L2HGDH: variants seen among roughly 807,000 people sequenced by gnomAD.
L2HGDH encodes L-2-hydroxyglutarate dehydrogenase, also known as L-2-hydroxyglutarate dehydrogenase, mitochondrial.
A neutral mutation model predicts 51.5 loss-of-function variants in L2HGDH; 34 were observed. The ratio of observed to expected loss-of-function variants is 0.66; its 90% CI spans 0.50 to 0.88. The LOEUF is 0.88. Ranked by LOEUF, L2HGDH falls within the 40% of genes least tolerant of loss-of-function variation. L2HGDH has a pLI of 0.00. For missense variants in L2HGDH, 558 were observed against 571.9 expected, an observed-to-expected ratio of 0.98 and a Z score of 0.25; for synonymous variants, 198 against 197.9, an observed-to-expected ratio of 1.00 and a Z score of -0.01.
chr14:50,298,718 C>T lies in L2HGDH; in HGVS notation c.408+3299G>A, dbSNP rs763292315. Among the ~76,000 whole-genome samples, 6 of 152,058 alleles carry T rather than the reference C, an allele frequency of 3.9e-5. No homozygotes were observed. The East Asian group carries it at 1.2e-3, about 29-fold the overall frequency. ...AAATAAACAAACAAGCAAACAAAACCAATACGCTCCTAAATGACCAGTGGG... is the reference window on the plus strand; with the variant it reads ...AAATAAACAAACAAGCAAACAAAACTAATACGCTCCTAAATGACCAGTGGG... On this transcript the variant is annotated intron_variant, in intron 3 of 9. Coordinates refer to ENST00000267436, the MANE Select transcript of L2HGDH (RefSeq NM_024884.3).
At chr14:50,277,787 A>G (rs1003893715) in intron 6 of L2HGDH, among the ~76,000 whole-genome samples, 1 of 87,920 alleles carries the variant, frequency 1.1e-5, no homozygotes, top group African/African-American at 3.9e-5. Context: ...TAATAATAAT[A>G]ATAATAATAA....
intron 6 of L2HGDH, among the ~76,000 whole-genome samples, chr14:50,271,627 G>A (rs932995914): frequency 6.6e-6 from 1 of 152,052 alleles, no homozygotes; most frequent in Non-Finnish European, 1.5e-5. Flanking sequence ...GATCACTTGA[G>A]CCCAGGAGTT....
chr14:50,248,002 G>A (rs187458673), intron 9 of L2HGDH, among the ~76,000 whole-genome samples: 2 of 151,712 alleles, frequency 1.3e-5, no homozygotes, highest in East Asian at 1.9e-4. Context: ...GTTTCCCTAC[G>A]TTGCCCAGGC....
intron 4 of L2HGDH, among the ~76,000 whole-genome samples, chr14:50,289,736 C>T (rs1179962946): frequency 1.3e-5 from 2 of 152,124 alleles, no homozygotes; most frequent in East Asian, 1.9e-4. Flanking sequence ...ATGCCTTATA[C>T]ATAGTATTTC....
At chr14:50,280,221 C>T (rs750098506) in intron 5 of L2HGDH, among the ~76,000 whole-genome samples, 6 of 148,808 alleles carry the variant, frequency 4.0e-5, no homozygotes, top group East Asian at 2.0e-4. Flanking sequence ...GAGTGCAGTG[C>T]GCTGGTGCAA....
intron 4 of L2HGDH, among the ~76,000 whole-genome samples, chr14:50,285,106 AC>A (rs1890497524): frequency 6.6e-6 from 1 of 152,160 alleles, no homozygotes; most frequent in Non-Finnish European, 1.5e-5. Context: ...AATTAGCCGA[AC>A]GTGGTGGCGG....
chr14:50,311,071 T>C (rs1372002337), intron 1 of L2HGDH, among the ~76,000 whole-genome samples: 6 of 151,188 alleles, frequency 4.0e-5, no homozygotes, highest in Middle Eastern at 3.2e-3. Context: ...TCCGGAGTAG[T>C]TGGGATTACA....
At chr14:50,299,871 C>G (rs566635195) in intron 3 of L2HGDH, 2 of 154,040 alleles carry the variant, frequency 1.3e-5, no homozygotes, top group African/African-American at 4.8e-5. Context: ...TAATATCCTC[C>G]ATGTTCATCT....
At chr14:50,285,243 T>G (rs535769960) in intron 4 of L2HGDH, among the ~76,000 whole-genome samples, 61 of 152,278 alleles carry the variant, frequency 4.0e-4, no homozygotes, top group African/African-American at 1.4e-3. Flanking sequence ...TGAGACTTCG[T>G]CTTTAAAAAA....
intron 9 of L2HGDH, among the ~76,000 whole-genome samples, chr14:50,260,292 G>C (rs8013289): frequency 0.58 from 87,793 of 151,802 alleles, 25,523 homozygotes; most frequent in East Asian, 0.65. Context: ...ATTAGAGTCT[G>C]AGTTCCAACT....
rs35766836 is a variant in L2HGDH at position 50,277,207 on chromosome 14, G to GTTTT, written c.738+1309_738+1312dup. Among the ~76,000 whole-genome samples the GTTTT allele has an allele frequency of 2.0e-4, 29 of 144,032 alleles. 1 individual carries two copies. The East Asian group carries it at 5.6e-3, about 28-fold the overall frequency. 94.5% of individuals were successfully genotyped at this position (144,032 alleles called of 152,430 possible). A position where few individuals can be genotyped will look rare whatever the true frequency, so the allele number is the denominator to read the frequency against. Reference sequence around the variant, plus strand: ...GGATAAAGTAGACTGTTTTTTTTTTGTTTTTTTTTTTGAGAGTTAGTTAGC... The same window carrying GTTTT: ...GGATAAAGTAGACTGTTTTTTTTTTGTTTTTTTTTTTTTTTGAGAGTTAGTTAGC... On this transcript the variant is annotated intron_variant, in intron 6 of 9. Transcript: ENST00000267436.
chr14:50,306,119 C>T lies in L2HGDH; in HGVS notation c.141-3102G>A, dbSNP rs377446387. Among the ~76,000 whole-genome samples, 7 of 150,986 alleles carry T rather than the reference C, an allele frequency of 4.6e-5. No homozygotes were observed. In the South Asian group the frequency reaches 1.3e-3, roughly 27 times the overall value. On this transcript the variant is annotated intron_variant, in intron 1 of 9. Transcript: ENST00000267436. ...AGGCTGGAGTGCAGTGGCATAATCT[C>T]GGCTCACTGCAACCTCCAGCTCCCG... is the stretch of plus-strand genomic sequence containing the variant.
chr14:50,267,817 TA>T lies in L2HGDH; in HGVS notation c.999del (p.Phe333LeufsTer19), dbSNP rs1317789838. The T allele has an allele frequency of 2.5e-6, 4 of 1,613,878 alleles. No individual in the cohort carries two copies. The highest frequency in any genetic ancestry group is 3.4e-6 in the Non-Finnish European group (4 of 1,179,722). On this transcript the variant is annotated frameshift_variant, in exon 8 of 10. Coordinates refer to ENST00000267436, the MANE Select transcript of L2HGDH (RefSeq NM_024884.3). LOFTEE classifies it high-confidence loss of function. Reference protein sequence around the residue: ...IWLGPNAVLAFKREGYRPFDF... With the variant: ...IWLGPNAVLAXKREGYRPFDF... The stretch of plus-strand genomic sequence containing the variant: ...TCAAAGGGTCTGTAACCCTCTCGTT[TA>T]AAGGCAAGAACTGCATTAGGCCCTA...
intron 3 of L2HGDH, among the ~76,000 whole-genome samples, chr14:50,296,372 C>CAAAAAAA (rs59868876): frequency 3.2e-5 from 1 of 31,446 alleles, no homozygotes; most frequent in African/African-American, 1.3e-4. Flanking sequence ...GACCCTGTCT[C>CAAAAAAA]AAAAAAAAAA....
chr14:50,265,929 C>G (rs1465706508), intron 8 of L2HGDH, among the ~76,000 whole-genome samples: 1 of 151,952 alleles, frequency 6.6e-6, no homozygotes, highest in Non-Finnish European at 1.5e-5. Context: ...ACCAATCAAT[C>G]AATGAATCAA....
intron 9 of L2HGDH, among the ~76,000 whole-genome samples, chr14:50,257,154 C>G (rs1888713454): frequency 6.6e-6 from 1 of 152,104 alleles, no homozygotes; most frequent in Admixed American, 6.6e-5. Context: ...ATCTTAAACT[C>G]CTAACCTCAG....
In L2HGDH at chr14:50,243,401, G is replaced by C. The variant is rs1887872947; in HGVS notation, c.*3657C>G. 1 of 979,922 alleles carries C rather than the reference G, an allele frequency of 1.0e-6. No homozygotes were observed. Among genetic ancestry groups the C allele is most frequent in the Non-Finnish European group, 1.2e-6 (1 of 825,302 alleles). The allele number at this position is 979,922 out of a possible 1,614,324, so 60.7% of individuals were successfully genotyped here. ...GGCTGCTATCTATCTAAAGCAAACAGTTTATGTTTTACACATAAAAAAATT... is the reference window on the plus strand; with the variant it reads ...GGCTGCTATCTATCTAAAGCAAACACTTTATGTTTTACACATAAAAAAATT... On this transcript the variant is annotated 3_prime_UTR_variant, in exon 10 of 10. Transcript: ENST00000267436.
chr14:50,305,107 T>C (rs2030651140), intron 1 of L2HGDH, among the ~76,000 whole-genome samples: 1 of 152,188 alleles, frequency 6.6e-6, no homozygotes, highest in Admixed American at 6.5e-5. Flanking sequence ...AACTAGGAAC[T>C]AACACGTAAG....
Position 50,293,282 on chromosome 14 carries a change from A to G in L2HGDH, c.540+833T>C, listed in dbSNP as rs915669707. The G allele has an allele frequency of 1.3e-5, 9 of 702,222 alleles. No homozygotes were observed. In the Admixed American group the frequency reaches 1.8e-4, roughly 14 times the overall value. 43.5% of individuals were successfully genotyped at this position (702,222 alleles called of 1,614,324 possible). A position where few individuals can be genotyped will look rare whatever the true frequency, so the allele number is the denominator to read the frequency against. ...ATAAGTGATGCTGACACAACTGGAT[A>G]TCTGTTTGGGGAAAAAATACACCTT... On this transcript the variant is annotated intron_variant, in intron 4 of 9. Coordinates refer to ENST00000267436, the MANE Select transcript of L2HGDH (RefSeq NM_024884.3).
Sources: gnomAD v4.1 joint callset for allele counts (sites outside exome capture counted in the v4.1 genomes callset) on GRCh38, gnomAD v4.1.1 for gene constraint, MANE v1.5 for transcripts, NCBI Gene and HGNC (gene_info 2026-07-23, HGNC 2026-07-21) for gene names.